The following HESX1 variants were observed in gnomAD, a reference collection of about 807,000 sequenced individuals.
The protein encoded by HESX1 is HESX homeobox 1.
In HESX1, 11 loss-of-function variants were observed where a neutral mutation model predicts 22.5. That is an observed-to-expected ratio of 0.49 (90% CI 0.31 to 0.81). HESX1 has a LOEUF of 0.81. Among genes scored for constraint, HESX1 ranks in the 30% least tolerant of loss-of-function variants. The pLI, the probability that HESX1 is intolerant of heterozygous loss-of-function variation, is 0.05. For synonymous variants in HESX1, 74 were observed against 76.5 expected (o/e 0.97, Z 0.17); for missense variants, 201 against 212.6 (o/e 0.95, Z 0.34).
intron 1 of HESX1, among the ~76,000 whole-genome samples, chr3:57,215,651 C>G (rs1357658948): frequency 6.6e-6 from 1 of 152,030 alleles, no homozygotes; most frequent in Admixed American, 6.6e-5. Flanking sequence ...CCTATAATCC[C>G]AACTACTCAG....
intron 1 of HESX1, 58 bp downstream of exon 1, chr3:57,199,704 C>A: frequency 6.7e-7 from 1 of 1,502,402 alleles, no homozygotes; most frequent in Non-Finnish European, 9.3e-7. Flanking sequence ...AAATAAAGGG[C>A]AAATTAAACA....
intron 1 of HESX1, among the ~76,000 whole-genome samples, chr3:57,211,234 A>T (rs2060551362): frequency 1.3e-5 from 2 of 151,714 alleles, no homozygotes; most frequent in South Asian, 4.2e-4. Flanking sequence ...AAAAAAAAAA[A>T]ATCTGAGTCT....
intron 1 of HESX1, among the ~76,000 whole-genome samples, chr3:57,207,629 C>A (rs2060527183): frequency 6.6e-6 from 1 of 152,072 alleles, no homozygotes; most frequent in Non-Finnish European, 1.5e-5. Flanking sequence ...ATAACTGATA[C>A]AGATCTAGAA....
upstream of HESX1, chr3:57,226,607 TCTA>T (rs1215466891): frequency 2.6e-5 from 4 of 152,206 alleles, no homozygotes; most frequent in South Asian, 2.1e-4. Context: ...CATGGGAAAA[TCTA>T]CTATTTTCGT....
At chr3:57,201,229 G>C (rs777480075), upstream of HESX1, among the ~76,000 whole-genome samples, 2 of 152,038 alleles carry the variant, frequency 1.3e-5, no homozygotes, top group Non-Finnish European at 2.9e-5. Flanking sequence ...AAAGCTCTCG[G>C]GTAAATAAAG....
intron 1 of HESX1, among the ~76,000 whole-genome samples, chr3:57,207,876 C>T (rs573888410): frequency 7.9e-4 from 121 of 152,322 alleles, no homozygotes; most frequent in African/African-American, 2.6e-3. Context: ...AGCGCCCTTT[C>T]CCACACCCTG....
intron 1 of HESX1, among the ~76,000 whole-genome samples, chr3:57,217,394 C>T (rs1239653091): frequency 6.6e-6 from 1 of 152,048 alleles, no homozygotes; most frequent in African/African-American, 2.4e-5. Context: ...ATTTGTAATC[C>T]CTTTGATAGT....
chr3:57,212,436 G>A (rs1178639329), intron 1 of HESX1, among the ~76,000 whole-genome samples: 1 of 151,820 alleles, frequency 6.6e-6, no homozygotes, highest in Non-Finnish European at 1.5e-5. Flanking sequence ...GCACGTGCCT[G>A]TAGTCCCAAC....
intron 1 of HESX1, among the ~76,000 whole-genome samples, chr3:57,214,527 CTT>C (rs1487179155): frequency 6.6e-6 from 1 of 152,174 alleles, no homozygotes; most frequent in Admixed American, 6.5e-5. Context: ...GAGCATATAA[CTT>C]AGCCTTTTTG....
At chr3:57,227,268 G>A (rs1200699617), upstream of HESX1, among the ~76,000 whole-genome samples, 1 of 152,194 alleles carries the variant, frequency 6.6e-6, no homozygotes, top group Non-Finnish European at 1.5e-5. Flanking sequence ...CCCTATTATT[G>A]ACACAGCTGC....
rs552364674 is a variant in HESX1, at chr3:57,205,078, A to G, written c.-110-5050T>C. 2.6e-5 allele frequency among the ~76,000 whole-genome samples: 4 copies of G among 152,236 alleles called. No individual in the cohort carries two copies. In the South Asian group the frequency reaches 6.2e-4, roughly 24 times the overall value. On this transcript the variant is annotated intron_variant, in intron 1 of 2. Transcript: ENST00000495160. ...AACACAGCAGCCAGAGGGATCATTT[A>G]AAAACATAAGTCAGTTCATGTCACA...
At chr3:57,203,803 C>A (rs2060503884), upstream of HESX1, among the ~76,000 whole-genome samples, 1 of 151,960 alleles carries the variant, frequency 6.6e-6, no homozygotes, top group Non-Finnish European at 1.5e-5. Flanking sequence ...GGTCTGCCTG[C>A]CTCAGCCTCC....
At chr3:57,204,083 A>T (rs2060505771), upstream of HESX1, among the ~76,000 whole-genome samples, 2 of 152,250 alleles carry the variant, frequency 1.3e-5, no homozygotes. Context: ...CAGCCAAGTC[A>T]GCCAAGTCCA....
At chr3:57,207,636 A>G (rs2060527213) in intron 1 of HESX1, among the ~76,000 whole-genome samples, 1 of 152,256 alleles carries the variant, frequency 6.6e-6, no homozygotes, top group African/African-American at 2.4e-5. Context: ...ATACAGATCT[A>G]GAAGAAATTC....
intron 1 of HESX1, among the ~76,000 whole-genome samples, chr3:57,216,522 G>A (rs1281857002): frequency 6.6e-6 from 1 of 152,158 alleles, no homozygotes; most frequent in East Asian, 1.9e-4. Flanking sequence ...TGAGGTGGGA[G>A]GATCACCTGA....
chr3:57,203,274 G>A (rs993135331), upstream of HESX1, among the ~76,000 whole-genome samples: 1 of 152,084 alleles, frequency 6.6e-6, no homozygotes, highest in Non-Finnish European at 1.5e-5. Context: ...GGGATACAGT[G>A]GTGAAAACAA....
intron 1 of HESX1, among the ~76,000 whole-genome samples, chr3:57,208,969 GA>G (rs1171636644): frequency 2.6e-4 from 39 of 151,146 alleles, no homozygotes; most frequent in African/African-American, 7.3e-4. Context: ...AAAAAAAAAA[GA>G]AAAAAAATGC....
At chr3:57,224,094 G>A (rs943600113) in intron 1 of HESX1, among the ~76,000 whole-genome samples, 11 of 152,142 alleles carry the variant, frequency 7.2e-5, no homozygotes, top group African/African-American at 2.7e-4. Flanking sequence ...CCAAGTTCAA[G>A]CGATTCTCCT....
intron 1 of HESX1, among the ~76,000 whole-genome samples, chr3:57,216,770 A>AT (rs1292084184): frequency 2.6e-5 from 4 of 152,164 alleles, no homozygotes; most frequent in Non-Finnish European, 4.4e-5. Context: ...TTTAATTTTG[A>AT]TTAAGATGGT....
Sources: gnomAD v4.1 joint callset for allele counts (sites outside exome capture counted in the v4.1 genomes callset) on GRCh38, gnomAD v4.1.1 for gene constraint, MANE v1.5 for transcripts, NCBI Gene and HGNC (gene_info 2026-07-23, HGNC 2026-07-21) for gene names.